Variants in NLRP11 observed in about 807,000 individuals in gnomAD.
The protein encoded by NLRP11 is NACHT, LRR and PYD domains-containing protein 11.
In NLRP11, 53 loss-of-function variants were observed where a neutral mutation model predicts 79.3. The observed-to-expected ratio is 0.67, with a 90% CI of 0.54 to 0.84. The LOEUF is 0.84. Ranked by LOEUF, NLRP11 falls within the 40% of genes least tolerant of loss-of-function variation. The pLI is 0.00. For missense variants in NLRP11, 1,264 were observed against 1,255.0 expected, an observed-to-expected ratio of 1.01 and a Z score of -0.11; for synonymous variants, 518 against 462.6, an observed-to-expected ratio of 1.12 and a Z score of -1.54.
At chr19:55,800,226 T>A (rs1171605266) in intron 5 of NLRP11, among the ~76,000 whole-genome samples, 1 of 152,208 alleles carries the variant, frequency 6.6e-6, no homozygotes, top group Non-Finnish European at 1.5e-5. Context: ...CAAGTAGAGC[T>A]ACTGAGCACT....
At chr19:55,819,790 T>A (rs1021372188) in intron 1 of NLRP11, among the ~76,000 whole-genome samples, 1 of 152,156 alleles carries the variant, frequency 6.6e-6, no homozygotes, top group African/African-American at 2.4e-5. Flanking sequence ...AAACCGCCAG[T>A]GAAGCTGATA....
Position 55,824,080 on chromosome 19 carries a change from C to T in NLRP11, c.-62-5844G>A, listed in dbSNP as rs1178535615. 1.8e-5 allele frequency among the ~76,000 whole-genome samples: 2 copies of T among 111,704 alleles called. 1 individual carries two copies. Among genetic ancestry groups the T allele is most frequent in the South Asian group, 5.5e-4 (2 of 3,636 alleles). 73.3% of individuals were successfully genotyped at this position (111,704 alleles called of 152,430 possible). ...AGCAGATCTCTCGGCAGAAACCCTACAAGCCAGAAGAGAGTGGGGGCCAAT... is the reference window on the plus strand; with the variant it reads ...AGCAGATCTCTCGGCAGAAACCCTATAAGCCAGAAGAGAGTGGGGGCCAAT... On this transcript the variant is annotated intron_variant, in intron 1 of 9. Transcript: ENST00000589093.
At chr19:55,831,792 A>T (rs1982814627) in intron 1 of NLRP11, among the ~76,000 whole-genome samples, 171 bp downstream of exon 1, 1 of 151,956 alleles carries the variant, frequency 6.6e-6, no homozygotes, top group African/African-American at 2.4e-5. Context: ...TACTCATGTG[A>T]ACTTGAAAAA....
rs774645017 is a variant in NLRP11, at chr19:55,817,884, C to A, written c.271+20G>T. Reference sequence around the variant, plus strand: ...TGAAGTGCCCTGATTTCTGCCCACCCTTCTCGTGACCCCACTCACGGTTTC... The same window carrying A: ...TGAAGTGCCCTGATTTCTGCCCACCATTCTCGTGACCCCACTCACGGTTTC... On this transcript the variant is annotated intron_variant, in intron 2 of 9. Coordinates refer to ENST00000589093, the Ensembl canonical transcript of NLRP11. 9.5e-6 allele frequency: 15 copies of A among 1,584,794 alleles called. No individual in the cohort carries two copies. Among genetic ancestry groups the A allele is most frequent in the Non-Finnish European group, 1.2e-5 (14 of 1,161,656 alleles).
At chr19:55,795,481 C>A (rs746951396) in intron 6 of NLRP11, among the ~76,000 whole-genome samples, 64 of 151,680 alleles carry the variant, frequency 4.2e-4, no homozygotes, top group Admixed American at 1.1e-3. Context: ...ATGTTGTGAC[C>A]ACCATTTTTT....
chr19:55,828,253 C>T (rs909352553), intron 1 of NLRP11, among the ~76,000 whole-genome samples: 1 of 135,378 alleles, frequency 7.4e-6, no homozygotes, highest in Non-Finnish European at 1.6e-5. Flanking sequence ...ATATCACACT[C>T]TGGGGACTGT....
Position 55,801,784 on chromosome 19 carries a change from C to T in NLRP11, c.2004-45G>A, listed in dbSNP as rs561503687. On this transcript the variant is annotated intron_variant, in intron 4 of 9. Transcript: ENST00000589093. ...AGGAAAGCACTAGTGAAGGTCTGAACATCTTCTCCACAATTTCTCCTGCCT... is the reference window on the plus strand; with the variant it reads ...AGGAAAGCACTAGTGAAGGTCTGAATATCTTCTCCACAATTTCTCCTGCCT... The T allele has an allele frequency of 7.8e-6, 12 of 1,529,004 alleles. No homozygotes were observed. The East Asian group carries it at 2.0e-4, about 26-fold the overall frequency. 94.7% of individuals were successfully genotyped at this position (1,529,004 alleles called of 1,614,324 possible). A position where few individuals can be genotyped will look rare whatever the true frequency, so the allele number is the denominator to read the frequency against.
intron 1 of NLRP11, among the ~76,000 whole-genome samples, chr19:55,829,965 T>A (rs974314094): frequency 5.3e-5 from 8 of 152,168 alleles, no homozygotes; most frequent in African/African-American, 1.4e-4. Context: ...TCATGACATA[T>A]CTGACTTTAA....
exon 5 of NLRP11, chr19:55,801,594 T>G (rs761899755): frequency 1.2e-6 from 2 of 1,614,136 alleles, no homozygotes; most frequent in South Asian, 2.2e-5. Context: ...ATTTGGCATG[T>G]GGGCTCGTGC....
At chr19:55,790,995 T>C (rs1211128157) in intron 7 of NLRP11, among the ~76,000 whole-genome samples, 1 of 152,178 alleles carries the variant, frequency 6.6e-6, no homozygotes, top group Admixed American at 6.5e-5. Context: ...CAAAAGAACG[T>C]GTTTGGAGTC....
At position 55,809,674 on chromosome 19, in the gene NLRP11, G is replaced by T. The variant is rs760287637; in HGVS notation, c.936C>A (p.Phe312Leu). The change falls in exon 3 of 10, where the codon TTC (phenylalanine) becomes TTA (leucine). Residue 312 changes from phenylalanine (F) to leucine (L), a missense_variant. Coordinates refer to ENST00000589093, the Ensembl canonical transcript of NLRP11. The surrounding 1 kb of genome is among the most constrained non-coding windows in gnomAD (Gnocchi z 4.5). ...CCGACGCCCTCTGGCGGTCTTTAAAGAAAGAGTTAAAATATATCTCCCTCT... is the reference window on the plus strand; with the variant it reads ...CCGACGCCCTCTGGCGGTCTTTAAATAAAGAGTTAAAATATATCTCCCTCT... 1.2e-6 allele frequency: 2 copies of T among 1,613,992 alleles called. No individual in the cohort carries two copies. The highest frequency in any genetic ancestry group is 1.1e-5 in the South Asian group (1 of 91,066).
chr19:55,822,127 G>T (rs1472567850), intron 1 of NLRP11, among the ~76,000 whole-genome samples: 1 of 152,146 alleles, frequency 6.6e-6, no homozygotes, highest in African/African-American at 2.4e-5. Flanking sequence ...CAAGCATGGT[G>T]GTGGTGGCTA....
At chr19:55,788,949 A>G (rs1990072162) in exon 9 of NLRP11, 1 of 1,613,954 alleles carries the variant, frequency 6.2e-7, no homozygotes, top group Non-Finnish European at 8.5e-7. Flanking sequence ...GATCGACAGC[A>G]GGCACTGGTT....
At chr19:55,824,139 C>G (rs931235326) in intron 1 of NLRP11, among the ~76,000 whole-genome samples, 1 of 124,268 alleles carries the variant, frequency 8.0e-6, no homozygotes, top group African/African-American at 3.7e-5. Context: ...ATTTTCAACC[C>G]AGAATTTCAT....
At chr19:55,801,831 A>T in intron 4 of NLRP11, 92 bp from the exon 5 acceptor site, 1 of 1,053,728 alleles carries the variant, frequency 9.5e-7, no homozygotes, top group Admixed American at 1.9e-5. Context: ...TCCTGTAACA[A>T]AGATTCTCAG....
chr19:55,798,735 AAC>A (rs141517744), intron 5 of NLRP11, among the ~76,000 whole-genome samples: 1 of 150,292 alleles, frequency 6.7e-6, no homozygotes, highest in Non-Finnish European at 1.5e-5. Context: ...TTTTGCTTCA[AAC>A]ACACACACAC....
upstream of NLRP11, among the ~76,000 whole-genome samples, chr19:55,833,864 C>T (rs1391056360): frequency 2.1e-5 from 3 of 141,168 alleles, no homozygotes; most frequent in Non-Finnish European, 3.1e-5. Flanking sequence ...TAGGCAAATA[C>T]GAAAAGCTGG....
At chr19:55,788,936 A>G (rs781280726) in exon 9 of NLRP11, 2 of 1,613,574 alleles carry the variant, frequency 1.2e-6, no homozygotes, top group Admixed American at 3.3e-5. Context: ...AACAGAGGCA[A>G]GAGATCGACA....
rs1600171348 is a variant in NLRP11 at position 55,789,135 on chromosome 19, T to C, written c.2684+94A>G. 12 of 1,409,456 alleles carry C rather than the reference T, an allele frequency of 8.5e-6. 1 individual carries two copies. The South Asian group carries it at 1.5e-4, about 17-fold the overall frequency. 87.3% of individuals were successfully genotyped at this position (1,409,456 alleles called of 1,614,324 possible). A position where few individuals can be genotyped will look rare whatever the true frequency, so the allele number is the denominator to read the frequency against. ...CCATTTCAAACACTAGACTATTATGTCCGAGGTATTGTATTTCCCAATCCA... is the reference window on the plus strand; with the variant it reads ...CCATTTCAAACACTAGACTATTATGCCCGAGGTATTGTATTTCCCAATCCA... On this transcript the variant is annotated intron_variant, in intron 8 of 9. Coordinates refer to ENST00000589093, the Ensembl canonical transcript of NLRP11.
Sources: gnomAD v4.1 joint callset for allele counts (sites outside exome capture counted in the v4.1 genomes callset) on GRCh38, gnomAD v4.1.1 for gene constraint, Gnocchi (gnomAD v3.1) non-coding constraint, MANE v1.5 for transcripts, NCBI Gene and HGNC (gene_info 2026-07-23, HGNC 2026-07-21) for gene names.